ZWINT: variants seen among roughly 807,000 people sequenced by gnomAD.
ZWINT encodes the protein outer kinetochore KNL1 complex subunit ZWINT.
In ZWINT, 41 loss-of-function variants were observed where a neutral mutation model predicts 41.5. The observed-to-expected ratio is 0.99, with a 90% CI of 0.77 to 1.28. ZWINT has a LOEUF of 1.28. Among genes scored for constraint, ZWINT ranks in the 50% most tolerant of loss-of-function variants. The pLI, the probability that ZWINT is intolerant of heterozygous loss-of-function variation, is 0.00. For missense variants in ZWINT, 369 were observed against 329.7 expected (o/e 1.12, Z -0.92); for synonymous variants, 132 against 126.8 (o/e 1.04, Z -0.28).
intron 1 of ZWINT, 67 bp from the exon 2 acceptor site, chr10:56,360,450 T>A: frequency 1.5e-6 from 2 of 1,341,600 alleles, no homozygotes; most frequent in Non-Finnish European, 2.1e-6. Flanking sequence ...TTCGTGTGTG[T>A]ACACAAACAA....
In ZWINT at chr10:56,358,602, TGCTCCTGGGGTCGAGTCG is replaced by T; in HGVS notation, c.728_745del (p.Pro243_Glu248del). On this transcript the variant is annotated inframe_deletion, in exon 7 of 9. Coordinates refer to ENST00000373944, the MANE Select transcript of ZWINT (RefSeq NM_007057.4). Reference sequence around the variant, plus strand: ...TCTCCCCATGGTGTCTCCTGTACTCTGCTCCTGGGGTCGAGTCGGCTGCTGGGGTTTATCATCTGGAAG... The same window carrying T: ...TCTCCCCATGGTGTCTCCTGTACTCTGCTGCTGGGGTTTATCATCTGGAAG... 1 of 1,614,178 alleles carries T rather than the reference TGCTCCTGGGGTCGAGTCG, an allele frequency of 6.2e-7. No individual in the cohort carries two copies. Among genetic ancestry groups the T allele is most frequent in the Non-Finnish European group, 8.5e-7 (1 of 1,180,036 alleles).
chr10:56,360,535 G>C lies in ZWINT; in HGVS notation c.42-152C>G, dbSNP rs1838303502. The C allele has an allele frequency of 5.6e-5, 38 of 675,916 alleles. No individual in the cohort carries two copies. The South Asian group carries it at 7.5e-4, about 13-fold the overall frequency. The allele number at this position is 675,916 out of a possible 1,614,324, so 41.9% of individuals were successfully genotyped here. A position where few individuals can be genotyped will look rare whatever the true frequency, so the allele number is the denominator to read the frequency against. On this transcript the variant is annotated intron_variant, in intron 1 of 8. Coordinates refer to ENST00000373944, the MANE Select transcript of ZWINT (RefSeq NM_007057.4). Reference sequence around the variant, plus strand: ...CAGAGTTTACACAAGGGCCTGAAGGGTCCACAGCCTGCAACCAGGAATGGC... The same window carrying C: ...CAGAGTTTACACAAGGGCCTGAAGGCTCCACAGCCTGCAACCAGGAATGGC...
In ZWINT at chr10:56,361,201, G is replaced by T. The variant is rs765373792; in HGVS notation, c.36C>A (p.Ala12=). The T allele has an allele frequency of 1.9e-5, 31 of 1,613,128 alleles. No homozygotes were observed. Among genetic ancestry groups the T allele is most frequent in the Non-Finnish European group, 2.4e-5 (28 of 1,179,974 alleles). ...EAAETEAEAA[A]LEVLAEVAGI... ...ACTTAGCCGCAAACACTTACTCTAG[G>T]GCTGCAGCTTCCGCCTCTGTCTCCG... The change falls in exon 1 of 9, where the codon GCC becomes GCA. Residue 12 remains alanine (A), a synonymous_variant. Coordinates refer to ENST00000373944, the MANE Select transcript of ZWINT (RefSeq NM_007057.4).
intron 1 of ZWINT, among the ~76,000 whole-genome samples, chr10:56,360,823 G>A (rs990268303): frequency 3.3e-5 from 5 of 152,164 alleles, no homozygotes; most frequent in Non-Finnish European, 7.3e-5. Context: ...GCAGAGGGCT[G>A]GATGCCTCGG....
intron 1 of ZWINT, 148 bp downstream of exon 1, chr10:56,361,048 C>A: frequency 1.2e-6 from 1 of 841,214 alleles, no homozygotes; most frequent in Non-Finnish European, 1.8e-6. Flanking sequence ...ACCTCAGGAA[C>A]CTAAGACGGG....
Position 56,357,926 on chromosome 10 carries a change from A to G in ZWINT, c.*301T>C. ...CCATGTCTGCATCATAGGAGGCCCAAGGCCAGTACCCCCTCCCCATCTGCA... is the reference window on the plus strand; with the variant it reads ...CCATGTCTGCATCATAGGAGGCCCAGGGCCAGTACCCCCTCCCCATCTGCA... On this transcript the variant is annotated 3_prime_UTR_variant, in exon 9 of 9. Coordinates refer to ENST00000373944, the MANE Select transcript of ZWINT (RefSeq NM_007057.4). 1 of 392,250 alleles carries G rather than the reference A, an allele frequency of 2.5e-6. No homozygotes were observed. Among genetic ancestry groups the G allele is most frequent in the Non-Finnish European group, 5.1e-6 (1 of 196,446 alleles). 24.3% of individuals were successfully genotyped at this position (392,250 alleles called of 1,614,324 possible).
chr10:56,360,078 T>C lies in ZWINT; in HGVS notation c.196A>G (p.Ile66Val). Reference sequence around the variant, plus strand: ...TTAGCAGTGTCCTCCTGAGCCAGGATGTTCTGCAGGAAATCCGCTACCTGA... The same window carrying C: ...TTAGCAGTGTCCTCCTGAGCCAGGACGTTCTGCAGGAAATCCGCTACCTGA... The part of the protein sequence containing the change: ...QLQVADFLQN[I>V]LAQEDTAKGL... Residue 66 changes from isoleucine to valine, a missense_variant, in exon 3 of 9, where the codon ATC becomes GTC. Transcript: ENST00000373944. 1 of 1,614,160 alleles carries C rather than the reference T, an allele frequency of 6.2e-7. No individual in the cohort carries two copies. Among genetic ancestry groups the C allele is most frequent in the South Asian group, 1.1e-5 (1 of 91,084 alleles).
Position 56,358,681 on chromosome 10 carries a change from G to C in ZWINT, c.667C>G (p.Leu223Val), listed in dbSNP as rs1202215758. The change falls in exon 7 of 9, where the codon CTG (leucine) becomes GTG (valine). Residue 223 changes from leucine to valine, a missense_variant. By Grantham distance (32) the Leu-to-Val change is conservative. Transcript: ENST00000373944. The stretch of plus-strand genomic sequence containing the variant: ...TCAGCCTCAGCCTCAGGGAACAACA[G>C]CTTACCCTGCAGGGTATACAGAAGC... ...LQLLYTLQGK[L>V]LFPEAEAEAE... 4 of 1,613,904 alleles carry C rather than the reference G, an allele frequency of 2.5e-6. No homozygotes were observed. The highest frequency in any genetic ancestry group is 2.5e-6 in the Non-Finnish European group (3 of 1,180,040).
chr10:56,359,471 C>T lies in ZWINT; in HGVS notation c.480+5G>A. ...AGGGATATTCTCCTAGGGGGACGAA[C>T]CTACCTGTTGTAGCTGCCACTGGTT... On this transcript the variant is annotated splice_donor_5th_base_variant and intron_variant, in intron 5 of 8. Coordinates refer to ENST00000373944, the MANE Select transcript of ZWINT (RefSeq NM_007057.4). The T allele has an allele frequency of 5.9e-6, 9 of 1,529,064 alleles. No homozygotes were observed. Among genetic ancestry groups the T allele is most frequent in the Non-Finnish European group, 7.9e-6 (9 of 1,141,908 alleles). 94.7% of individuals were successfully genotyped at this position (1,529,064 alleles called of 1,614,324 possible).
At chr10:56,359,610 C>CAA (rs1564452058) in intron 4 of ZWINT, 77 bp downstream of exon 4, 3 of 1,591,996 alleles carry the variant, frequency 1.9e-6, no homozygotes, top group Admixed American at 1.7e-5. Flanking sequence ...CAAGCTGGCA[C>CAA]AACTCAGCTT....
intron 1 of ZWINT, among the ~76,000 whole-genome samples, chr10:56,360,709 G>A (rs1274279134): frequency 6.6e-6 from 1 of 152,212 alleles, no homozygotes; most frequent in Admixed American, 6.5e-5. Flanking sequence ...AGGAAGCCAG[G>A]GAGATATGCA....
chr10:56,359,674 C>T lies in ZWINT; in HGVS notation c.423+13G>A, dbSNP rs1480800862. 13 of 1,613,996 alleles carry T rather than the reference C, an allele frequency of 8.1e-6. No individual in the cohort carries two copies. The highest frequency in any genetic ancestry group is 1.0e-5 in the Non-Finnish European group (12 of 1,180,018). On this transcript the variant is annotated intron_variant, in intron 4 of 8. Transcript: ENST00000373944. ...TGCCCTTCCCTCCCTGTACTCAAGACCCCTGGGTGTACCTTGGCCTGGAGC... is the reference window on the plus strand; with the variant it reads ...TGCCCTTCCCTCCCTGTACTCAAGATCCCTGGGTGTACCTTGGCCTGGAGC...
chr10:56,360,211 G>A, intron 2 of ZWINT, 70 bp from the exon 3 acceptor site: 1 of 1,610,954 alleles, frequency 6.2e-7, no homozygotes, highest in East Asian at 2.2e-5. Context: ...TCTGCTCTCT[G>A]CCAGTGCTGC....
At position 56,358,549 on chromosome 10, in the gene ZWINT, C is replaced by A; in HGVS notation, c.792+7G>T. 1 of 1,614,052 alleles carries A rather than the reference C, an allele frequency of 6.2e-7. No individual in the cohort carries two copies. Among genetic ancestry groups the A allele is most frequent in the Non-Finnish European group, 8.5e-7 (1 of 1,179,986 alleles). ...GCCCATGCCCACCTGTTCCATCTCTCATTTACCTTGAAGGACACACCAGGG... is the reference window on the plus strand; with the variant it reads ...GCCCATGCCCACCTGTTCCATCTCTAATTTACCTTGAAGGACACACCAGGG... On this transcript the variant is annotated splice_region_variant and intron_variant, in intron 7 of 8. Coordinates refer to ENST00000373944, the MANE Select transcript of ZWINT (RefSeq NM_007057.4).
chr10:56,358,236 G>A (rs1316834237), intron 8 of ZWINT, 51 bp from the exon 9 acceptor site: 1 of 843,928 alleles, frequency 1.2e-6, no homozygotes, highest in African/African-American at 1.7e-5. Flanking sequence ...ATGGGAATGA[G>A]GTGTAACATA....
At position 56,358,809 on chromosome 10, in the gene ZWINT, G is replaced by A. The variant is rs1250659741; in HGVS notation, c.619C>T (p.Gln207Ter). Residue 207 changes from glutamine (Q) to a stop codon, truncating the protein, a stop_gained, in exon 6 of 9, where the codon CAG becomes TAG. Transcript: ENST00000373944. LOFTEE classifies it high-confidence loss of function. ...QQAEQERDKL[Q>*]RYQTFLQLLY... ...AGCCCATGCTCCCGAACTTACCTCT[G>A]CAGCTTGTCCCGCTCCTGTTCTGCC... is the stretch of plus-strand genomic sequence containing the variant. The A allele has an allele frequency of 1.9e-6, 3 of 1,614,016 alleles. No homozygotes were observed. The highest frequency in any genetic ancestry group is 2.2e-5 in the South Asian group (2 of 91,074).
At chr10:56,360,588 C>T (rs1295121462) in intron 1 of ZWINT, among the ~76,000 whole-genome samples, 2 of 152,120 alleles carry the variant, frequency 1.3e-5, no homozygotes, top group Non-Finnish European at 2.9e-5. Flanking sequence ...GGTGGTAATA[C>T]GTGCCAAAAG....
chr10:56,360,272 T>A, intron 2 of ZWINT, 21 bp downstream of exon 2: 1 of 1,613,746 alleles, frequency 6.2e-7, no homozygotes, highest in Non-Finnish European at 8.5e-7. Flanking sequence ...TCTGAAAGGC[T>A]CGCTCTCATC....
chr10:56,360,200 G>A (rs1397145399), intron 2 of ZWINT, 59 bp from the exon 3 acceptor site: 3 of 1,611,938 alleles, frequency 1.9e-6, no homozygotes, highest in African/African-American at 2.7e-5. Context: ...GTTTCCTTAA[G>A]TCTGCTCTCT....
Sources: allele counts gnomAD v4.1 joint callset (sites outside exome capture counted in the v4.1 genomes callset), GRCh38; gene constraint gnomAD v4.1.1; transcripts MANE v1.5; gene names NCBI Gene and HGNC (gene_info 2026-07-23, HGNC 2026-07-21).